STK24: variants seen among roughly 807,000 people sequenced by gnomAD.
STK24 encodes the protein serine/threonine-protein kinase 24.
Under a neutral mutation model 55.6 loss-of-function variants are expected in STK24, and 21 were observed. The observed-to-expected ratio is 0.38, with a 90% CI of 0.27 to 0.54. STK24 has a LOEUF of 0.54. Among genes scored for constraint, STK24 ranks in the 20% least tolerant of loss-of-function variants. STK24 has a pLI of 0.79. For synonymous variants in STK24, 200 were observed against 215.2 expected (o/e 0.93, Z 0.62); for missense variants, 383 against 538.4 (o/e 0.71, Z 2.86).
intron 1 of STK24, among the ~76,000 whole-genome samples, chr13:98,558,600 A>G (rs2139446929): frequency 6.6e-6 from 1 of 152,338 alleles, no homozygotes; most frequent in East Asian, 1.9e-4. Flanking sequence ...TCCTGCCTTC[A>G]GAACCAGGAA....
chr13:98,537,971 C>A (rs7323195), intron 1 of STK24, among the ~76,000 whole-genome samples: 2 of 152,040 alleles, frequency 1.3e-5, no homozygotes, highest in Non-Finnish European at 2.9e-5. Context: ...CCAGCTGCTC[C>A]GCTCGGGGTG....
intron 10 of STK24, chr13:98,456,823 G>GAT: frequency 7.4e-6 from 3 of 406,592 alleles, no homozygotes; most frequent in South Asian, 7.0e-5. Context: ...AAACCAGATA[G>GAT]ATAGTTACAC....
intron 2 of STK24, among the ~76,000 whole-genome samples, chr13:98,507,263 G>A: frequency 6.6e-6 from 1 of 152,242 alleles, no homozygotes; most frequent in East Asian, 1.9e-4. Context: ...CAACCGTCAG[G>A]TGCAGGGAAG....
intron 10 of STK24, 33 bp from the exon 11 acceptor site, chr13:98,453,242 A>T: frequency 6.2e-7 from 1 of 1,606,068 alleles, no homozygotes; most frequent in African/African-American, 1.3e-5. Flanking sequence ...AAGTCAACAC[A>T]TGTCATTTCT....
At chr13:98,556,442 A>C (rs999442665) in intron 1 of STK24, among the ~76,000 whole-genome samples, 1 of 152,224 alleles carries the variant, frequency 6.6e-6, no homozygotes, top group Admixed American at 6.5e-5. Context: ...CAGCCCTTTC[A>C]GTGCTGTGAG....
chr13:98,554,439 C>T (rs1270770480), intron 1 of STK24, among the ~76,000 whole-genome samples: 2 of 152,188 alleles, frequency 1.3e-5, no homozygotes, highest in Non-Finnish European at 1.5e-5. Context: ...TTCCAGACCT[C>T]CAGGTTATCT....
At chr13:98,529,877 T>G (rs1896536080) in intron 1 of STK24, among the ~76,000 whole-genome samples, 1 of 152,098 alleles carries the variant, frequency 6.6e-6, no homozygotes. Context: ...GCTACCAGAA[T>G]TTGCAGAAAT....
intron 1 of STK24, among the ~76,000 whole-genome samples, chr13:98,575,037 T>A (rs1456072167): frequency 6.6e-6 from 1 of 152,232 alleles, no homozygotes; most frequent in African/African-American, 2.4e-5. Flanking sequence ...GAACACGGTA[T>A]AAATATCAAC....
intron 1 of STK24, among the ~76,000 whole-genome samples, chr13:98,567,036 A>G (rs916672112): frequency 1.6e-4 from 24 of 152,178 alleles, no homozygotes; most frequent in African/African-American, 5.8e-4. Context: ...TTTCTACTCA[A>G]TGGTTCGTTG....
rs1349512233 is a variant in STK24, at chr13:98,466,449, G to A, written c.710C>T (p.Pro237Leu). 9 of 1,613,792 alleles carry A rather than the reference G, an allele frequency of 5.6e-6. No individual in the cohort carries two copies. The highest frequency in any genetic ancestry group is 7.6e-6 in the Non-Finnish European group (9 of 1,180,034). Reference protein sequence around the residue: ...VLFLIPKNNPPTLEGNYSKPL... With the variant: ...VLFLIPKNNPLTLEGNYSKPL... ...TTTACTGTAGTTTCCTTCCAACGTC[G>A]GTGGGTTGTTCTTTGGAATGAGGAA... is the stretch of plus-strand genomic sequence containing the variant. The change falls in exon 6 of 11, where the codon CCG becomes CTG. Residue 237 changes from proline to leucine, a missense_variant. Pro to Leu is a moderately conservative substitution (Grantham distance 98). Coordinates refer to ENST00000539966, the MANE Select transcript of STK24 (RefSeq NM_001032296.4).
At chr13:98,522,135 C>A in intron 1 of STK24, 1 of 1,226,592 alleles carries the variant, frequency 8.2e-7, no homozygotes, top group East Asian at 4.1e-5. Flanking sequence ...TGAGCCTTGT[C>A]AACCACGCCC....
intron 2 of STK24, among the ~76,000 whole-genome samples, chr13:98,483,948 G>A (rs1012891728): frequency 2.0e-5 from 3 of 152,196 alleles, no homozygotes; most frequent in African/African-American, 7.2e-5. Context: ...TGCTTTTCAA[G>A]CGTTTAAATG....
At chr13:98,512,516 T>G (rs1260201291) in intron 2 of STK24, among the ~76,000 whole-genome samples, 1 of 150,268 alleles carries the variant, frequency 6.7e-6, no homozygotes, top group Non-Finnish European at 1.5e-5. Context: ...AAAATACACA[T>G]CATGTCTACC....
chr13:98,481,471 C>G (rs567291113), intron 3 of STK24, among the ~76,000 whole-genome samples: 118 of 152,228 alleles, frequency 7.8e-4, no homozygotes, highest in Non-Finnish European at 1.0e-3. Flanking sequence ...TGTGTGTTCC[C>G]CTTAGGCATG....
At chr13:98,551,447 CTCTTT>C (rs1488167761) in intron 1 of STK24, among the ~76,000 whole-genome samples, 1 of 151,738 alleles carries the variant, frequency 6.6e-6, no homozygotes, top group Non-Finnish European at 1.5e-5. Flanking sequence ...GTCATACTTT[CTCTTT>C]TTTTTTTTTT....
At chr13:98,485,448 A>G (rs1894768797) in intron 2 of STK24, among the ~76,000 whole-genome samples, 1 of 86,420 alleles carries the variant, frequency 1.2e-5, no homozygotes, top group Non-Finnish European at 3.2e-5. Context: ...CTGATCCATC[A>G]AGTGCAGGGC....
chr13:98,543,030 T>G, intron 1 of STK24: 4 of 985,286 alleles, frequency 4.1e-6, no homozygotes, highest in Non-Finnish European at 4.8e-6. Flanking sequence ...GCCCAAAGAC[T>G]GAAGCCTCCG....
intron 1 of STK24, among the ~76,000 whole-genome samples, chr13:98,539,295 T>C (rs1272921078): frequency 6.6e-6 from 1 of 152,218 alleles, no homozygotes; most frequent in African/African-American, 2.4e-5. Context: ...TATAACAATA[T>C]TAATGTTGCA....
chr13:98,488,137 C>T (rs2139315942), intron 2 of STK24, among the ~76,000 whole-genome samples: 1 of 144,340 alleles, frequency 6.9e-6, no homozygotes, highest in South Asian at 2.2e-4. Context: ...TCCAATACGG[C>T]TGGTGTCATA....
Sources: allele counts gnomAD v4.1 joint callset (sites outside exome capture counted in the v4.1 genomes callset), GRCh38; gene constraint gnomAD v4.1.1; transcripts MANE v1.5; gene names NCBI Gene and HGNC (gene_info 2026-07-23, HGNC 2026-07-21).